SENP5: variants seen among roughly 807,000 people sequenced by gnomAD.
SENP5 encodes the protein sentrin-specific protease 5.
In SENP5, 21 loss-of-function variants were observed where a neutral mutation model predicts 74.2. That is an observed-to-expected ratio of 0.28 (90% CI 0.20 to 0.41). The LOEUF is 0.41. SENP5 is among the 10% of genes least tolerant of loss of function. SENP5 has a pLI of 1.00. For synonymous variants in SENP5, 311 were observed against 312.7 expected (o/e 0.99, Z 0.06); for missense variants, 717 against 889.1 (o/e 0.81, Z 2.46).
intron 6 of SENP5, among the ~76,000 whole-genome samples, chr3:196,904,163 G>C (rs1194900831): frequency 6.6e-6 from 1 of 152,210 alleles, no homozygotes; most frequent in African/African-American, 2.4e-5. Flanking sequence ...TCAGAGAGTG[G>C]TAAGTGCTAT....
chr3:196,870,229 G>A (rs933707324), intron 1 of SENP5, among the ~76,000 whole-genome samples: 5 of 152,166 alleles, frequency 3.3e-5, no homozygotes, highest in Non-Finnish European at 5.9e-5. Context: ...TGGTAAGGTG[G>A]TCACAGTGCT....
At chr3:196,917,102 C>T (rs1225645349) in intron 6 of SENP5, among the ~76,000 whole-genome samples, 1 of 152,042 alleles carries the variant, frequency 6.6e-6, no homozygotes, top group African/African-American at 2.4e-5. Flanking sequence ...CCATTGCACT[C>T]CAGCCTGGGC....
chr3:196,917,715 A>G (rs189522056), intron 6 of SENP5, among the ~76,000 whole-genome samples: 18 of 152,344 alleles, frequency 1.2e-4, no homozygotes, highest in African/African-American at 4.1e-4. Context: ...CAGCGAAAAT[A>G]TACTTCAAAC....
intron 2 of SENP5, among the ~76,000 whole-genome samples, chr3:196,890,927 C>G (rs1428702426): frequency 3.9e-5 from 6 of 152,122 alleles, no homozygotes; most frequent in African/African-American, 1.4e-4. Flanking sequence ...GGATAGATTC[C>G]TGTGCCGCAA....
intron 7 of SENP5, among the ~76,000 whole-genome samples, chr3:196,925,300 A>G (rs185126327): frequency 6.6e-6 from 1 of 152,176 alleles, no homozygotes; most frequent in African/African-American, 2.4e-5. Flanking sequence ...CAAGAAATCC[A>G]GGAAAAAAAA....
In SENP5 at chr3:196,930,880, A is replaced by G. The variant is rs756795294; in HGVS notation, c.2225A>G (p.Lys742Arg). 12 of 1,613,992 alleles carry G rather than the reference A, an allele frequency of 7.4e-6. No individual in the cohort carries two copies. In the East Asian group the frequency reaches 2.7e-4, roughly 36 times the overall value. The change falls in exon 10 of 10, where the codon AAG becomes AGG. Residue 742 changes from lysine to arginine, a missense_variant. Around this residue, in one of 4 missense-constraint regions of SENP5, gnomAD observed 85 missense variants for 188.9 expected, o/e 0.45. Transcript: ENST00000323460. ...CAAGAAGACATGCCCCGAGTGCGGAAGAGGATTTACAAGGAGCTATGTGAG... is the reference window on the plus strand; with the variant it reads ...CAAGAAGACATGCCCCGAGTGCGGAGGAGGATTTACAAGGAGCTATGTGAG... ...FSQEDMPRVRKRIYKELCECR... is the reference protein window; with the variant it reads ...FSQEDMPRVRRRIYKELCECR...
chr3:196,907,272 G>C (rs1381759380), intron 6 of SENP5, among the ~76,000 whole-genome samples: 2 of 151,982 alleles, frequency 1.3e-5, no homozygotes, highest in African/African-American at 2.4e-5. Flanking sequence ...AGGAGATAGA[G>C]ACCATCCTGG....
chr3:196,895,507 A>T (rs13326855), intron 2 of SENP5, among the ~76,000 whole-genome samples: 353 of 131,202 alleles, frequency 2.7e-3, no homozygotes, highest in African/African-American at 9.0e-3. Flanking sequence ...TCTTTTTTTT[A>T]AAAAGTTCTT....
chr3:196,922,580 C>T (rs1191636325), intron 6 of SENP5, among the ~76,000 whole-genome samples: 2 of 152,112 alleles, frequency 1.3e-5, no homozygotes, highest in Non-Finnish European at 2.9e-5. Context: ...TCCCAAGTAG[C>T]TGGGACTGCA....
rs76093991 is a variant in SENP5 at position 196,929,987 on chromosome 3, TAA to T, written c.2157+322_2157+323del. Among the ~76,000 whole-genome samples the T allele has an allele frequency of 1.6e-3, 218 of 136,650 alleles. 4 individuals are homozygous for T. Among genetic ancestry groups the T allele is most frequent in the South Asian group, 8.4e-3 (37 of 4,392 alleles). 89.6% of individuals were successfully genotyped at this position (136,650 alleles called of 152,430 possible). A position where few individuals can be genotyped will look rare whatever the true frequency, so the allele number is the denominator to read the frequency against. Reference sequence around the variant, plus strand: ...CATATCATAACCATTGGCATTTGCATAAAAAAAAAAAAAAAAAAACATTGGCA... The same window carrying T: ...CATATCATAACCATTGGCATTTGCATAAAAAAAAAAAAAAAAACATTGGCA... On this transcript the variant is annotated intron_variant, in intron 9 of 9. Coordinates refer to ENST00000323460, the MANE Select transcript of SENP5 (RefSeq NM_152699.5).
intron 6 of SENP5, chr3:196,914,586 A>AAAAAAAAAATATATATATATATATATAT: frequency 9.0e-5 from 3 of 33,498 alleles, no homozygotes; most frequent in Non-Finnish European, 1.5e-4. Context: ...AAAAAAAAAA[A>AAAAAAAAAATATATATATATATATATAT]ATATATATAT....
chr3:196,878,809 C>A (rs1713592987), intron 1 of SENP5, among the ~76,000 whole-genome samples: 1 of 152,122 alleles, frequency 6.6e-6, no homozygotes, highest in African/African-American at 2.4e-5. Flanking sequence ...CCAGGCTGGT[C>A]TCGAACTCCT....
chr3:196,876,332 G>C (rs1190694937), intron 1 of SENP5, among the ~76,000 whole-genome samples: 1 of 151,902 alleles, frequency 6.6e-6, no homozygotes, highest in African/African-American at 2.4e-5. Context: ...GACTATCCTT[G>C]CTAACACAGT....
intron 1 of SENP5, among the ~76,000 whole-genome samples, chr3:196,872,041 CACTTGGCCGATATA>C (rs1438764245): frequency 6.6e-6 from 1 of 152,214 alleles, no homozygotes; most frequent in Non-Finnish European, 1.5e-5. Context: ...TGAGCCACCA[CACTTGGCCGATATA>C]ACTTTTTCGT....
chr3:196,899,635 A>T (rs185813873), intron 2 of SENP5, 31 bp from the exon 3 acceptor site: 1 of 1,427,418 alleles, frequency 7.0e-7, no homozygotes, highest in South Asian at 1.2e-5. Flanking sequence ...TTGTTTTTCC[A>T]TCTTAACTTT....
intron 6 of SENP5, among the ~76,000 whole-genome samples, chr3:196,909,688 A>G (rs566382698): frequency 6.2e-4 from 95 of 152,344 alleles, no homozygotes; most frequent in African/African-American, 2.2e-3. Context: ...AGATGCAGAA[A>G]AGACCTTCGA....
In SENP5 at chr3:196,928,570, G is replaced by T. The variant is rs548419414; in HGVS notation, c.2106+691G>T. ...AAGCCCAGGTGTGATTTTCCCCAAA[G>T]GACATCAAAACTATTGATACAGAGT... On this transcript the variant is annotated intron_variant, in intron 8 of 9. Transcript: ENST00000323460. Among the ~76,000 whole-genome samples, 23 of 152,246 alleles carry T rather than the reference G, an allele frequency of 1.5e-4. No homozygotes were observed. The East Asian group carries it at 2.9e-3, about 19-fold the overall frequency.
At chr3:196,869,410 G>A (rs2108799460) in intron 1 of SENP5, among the ~76,000 whole-genome samples, 1 of 151,430 alleles carries the variant, frequency 6.6e-6, no homozygotes, top group Non-Finnish European at 1.5e-5. Context: ...CACCATGTTG[G>A]CCAGGCTGGT....
At chr3:196,921,992 G>A (rs1050440346) in intron 6 of SENP5, among the ~76,000 whole-genome samples, 7 of 152,110 alleles carry the variant, frequency 4.6e-5, no homozygotes, top group African/African-American at 1.4e-4. Flanking sequence ...AATTTTGAGT[G>A]GAATAGCAAG....
Sources: allele counts gnomAD v4.1 joint callset (sites outside exome capture counted in the v4.1 genomes callset), GRCh38; gene constraint gnomAD v4.1.1; regional missense constraint gnomAD v4.1.1; transcripts MANE v1.5; gene names NCBI Gene and HGNC (gene_info 2026-07-23, HGNC 2026-07-21).